The following TRABD2B variants were observed in gnomAD, a reference collection of about 807,000 sequenced individuals.
The protein encoded by TRABD2B is TraB domain containing 2B.
Under a neutral mutation model 40.1 loss-of-function variants are expected in TRABD2B, and 14 were observed. The ratio of observed to expected loss-of-function variants is 0.35; its 90% CI spans 0.23 to 0.55. The LOEUF is 0.55. Ranked by LOEUF, TRABD2B falls within the 20% of genes least tolerant of loss-of-function variation. The pLI is 0.90. For missense variants in TRABD2B, 541 were observed against 648.6 expected, an observed-to-expected ratio of 0.83 and a Z score of 1.80; for synonymous variants, 263 against 277.0, an observed-to-expected ratio of 0.95 and a Z score of 0.50.
At chr1:47,787,375 G>A (rs1569933637) in intron 4 of TRABD2B, among the ~76,000 whole-genome samples, 1 of 152,176 alleles carries the variant, frequency 6.6e-6, no homozygotes, top group Non-Finnish European at 1.5e-5. Context: ...GCAGACAGAG[G>A]AGGAAAGACT....
intron 2 of TRABD2B, among the ~76,000 whole-genome samples, chr1:47,887,178 T>G (rs1644382001): frequency 6.6e-6 from 1 of 152,146 alleles, no homozygotes; most frequent in African/African-American, 2.4e-5. Context: ...ATTAACACAA[T>G]CCGCTCAACA....
chr1:47,946,513 A>C (rs2148372881), intron 2 of TRABD2B, among the ~76,000 whole-genome samples: 1 of 152,242 alleles, frequency 6.6e-6, no homozygotes, highest in East Asian at 1.9e-4. Context: ...TTTCTTCTTT[A>C]GTCTACTGAT....
intron 4 of TRABD2B, among the ~76,000 whole-genome samples, chr1:47,792,910 C>T (rs1323041446): frequency 6.6e-6 from 1 of 152,070 alleles, no homozygotes; most frequent in African/African-American, 2.4e-5. Flanking sequence ...CTACTGGGGG[C>T]TGTTCCAGAG....
chr1:47,990,824 TATATATATATAA>T (rs1645999148), intron 2 of TRABD2B, among the ~76,000 whole-genome samples: 1 of 82,508 alleles, frequency 1.2e-5, no homozygotes. Context: ...TATATATATA[TATATATATATAA>T]AACGTTGGTT....
intron 2 of TRABD2B, among the ~76,000 whole-genome samples, chr1:47,969,178 G>T (rs1435520796): frequency 1.3e-5 from 2 of 152,224 alleles, no homozygotes; most frequent in East Asian, 3.9e-4. Context: ...AAGCCTGGAG[G>T]TTTTGTTTGC....
chr1:47,959,982 G>C (rs1050698313), intron 2 of TRABD2B, among the ~76,000 whole-genome samples: 11 of 152,104 alleles, frequency 7.2e-5, no homozygotes, highest in African/African-American at 2.4e-4. Flanking sequence ...CTGGCAAACC[G>C]AATCCAGCAG....
intron 2 of TRABD2B, among the ~76,000 whole-genome samples, chr1:47,990,781 A>ATATATATATATATATATT (rs1645994737): frequency 1.8e-4 from 1 of 5,574 alleles, no homozygotes. Context: ...TTATATATAT[A>ATATATATATATATATATT]TATATATATA....
intron 2 of TRABD2B, among the ~76,000 whole-genome samples, chr1:47,931,038 G>GC (rs775165628): frequency 2.0e-5 from 3 of 152,186 alleles, no homozygotes; most frequent in Non-Finnish European, 2.9e-5. Flanking sequence ...CAGAATATGG[G>GC]CTCTGTGAGG....
chr1:47,833,343 C>T (rs1322695742), intron 2 of TRABD2B, among the ~76,000 whole-genome samples: 1 of 152,244 alleles, frequency 6.6e-6, no homozygotes, highest in Non-Finnish European at 1.5e-5. Flanking sequence ...GTCTCAGGTC[C>T]TACCTGGCTG....
intron 2 of TRABD2B, among the ~76,000 whole-genome samples, chr1:47,869,456 G>A (rs1053417529): frequency 2.0e-5 from 3 of 152,176 alleles, no homozygotes; most frequent in African/African-American, 7.2e-5. Context: ...CATGCGCCAC[G>A]GTGGTCCGCA....
intron 2 of TRABD2B, among the ~76,000 whole-genome samples, chr1:47,926,958 C>T (rs1644978269): frequency 6.6e-6 from 1 of 152,188 alleles, no homozygotes; most frequent in Admixed American, 6.5e-5. Context: ...AAGATCCACC[C>T]ACAAACAAGT....
At chr1:47,950,694 G>C (rs1177660600) in intron 2 of TRABD2B, among the ~76,000 whole-genome samples, 3 of 152,218 alleles carry the variant, frequency 2.0e-5, no homozygotes, top group African/African-American at 7.2e-5. Context: ...CACCAACAGA[G>C]GCTGCCTCGG....
intron 2 of TRABD2B, among the ~76,000 whole-genome samples, chr1:47,947,660 C>T (rs1431538381): frequency 6.6e-6 from 1 of 152,080 alleles, no homozygotes; most frequent in Non-Finnish European, 1.5e-5. Context: ...ATGGCCATGG[C>T]CCATAGAGTG....
intron 3 of TRABD2B, among the ~76,000 whole-genome samples, chr1:47,798,280 T>C (rs892391971): frequency 1.3e-5 from 2 of 152,156 alleles, no homozygotes; most frequent in African/African-American, 2.4e-5. Flanking sequence ...CTAGAGGAGA[T>C]TGCTCCATGC....
At chr1:47,977,714 C>T (rs1194886165) in intron 2 of TRABD2B, among the ~76,000 whole-genome samples, 1 of 150,524 alleles carries the variant, frequency 6.6e-6, no homozygotes, top group African/African-American at 2.4e-5. Flanking sequence ...AATAAGGAAC[C>T]AAGAGGAAGG....
chr1:47,972,654 AT>A (rs1557688484), intron 2 of TRABD2B, among the ~76,000 whole-genome samples: 1 of 152,134 alleles, frequency 6.6e-6, no homozygotes, highest in East Asian at 1.9e-4. Flanking sequence ...AACTGTGAGA[AT>A]TTTTTTTGTT....
intron 2 of TRABD2B, among the ~76,000 whole-genome samples, chr1:47,959,334 CCAG>C (rs1330392150): frequency 6.6e-6 from 1 of 152,042 alleles, no homozygotes; most frequent in Admixed American, 6.6e-5. Context: ...CATTCAAAAG[CCAG>C]CAGAAGGCAA....
chr1:47,878,131 A>G (rs1333161099), intron 2 of TRABD2B, among the ~76,000 whole-genome samples: 1 of 152,160 alleles, frequency 6.6e-6, no homozygotes, highest in African/African-American at 2.4e-5. Flanking sequence ...TCTGGCCAAC[A>G]TGGAGAAATC....
Position 47,996,812 on chromosome 1 carries a change from G to T in TRABD2B, c.-23C>A. ...CATCCTGCCAGGGCCCGCGGGGCGC[G>T]GGGGACCCTCCTGGGCGGCGCCCCT... On this transcript the variant is annotated 5_prime_UTR_variant, in exon 1 of 7. Transcript: ENST00000606738. The surrounding 1 kb of genome is among the most constrained non-coding windows in gnomAD (Gnocchi z 4.6). The T allele has an allele frequency of 8.5e-7, 1 of 1,183,270 alleles. No individual in the cohort carries two copies. Among genetic ancestry groups the T allele is most frequent in the Non-Finnish European group, 1.0e-6 (1 of 956,666 alleles). 73.3% of individuals were successfully genotyped at this position (1,183,270 alleles called of 1,614,324 possible). A position where few individuals can be genotyped will look rare whatever the true frequency, so the allele number is the denominator to read the frequency against.
Sources: gnomAD v4.1 joint callset for allele counts (sites outside exome capture counted in the v4.1 genomes callset) on GRCh38, gnomAD v4.1.1 for gene constraint, Gnocchi (gnomAD v3.1) non-coding constraint, MANE v1.5 for transcripts, NCBI Gene and HGNC (gene_info 2026-07-23, HGNC 2026-07-21) for gene names.